Variants in AIMP1 observed in about 807,000 individuals in gnomAD.
AIMP1 encodes aminoacyl tRNA synthetase complex interacting multifunctional protein 1.
AIMP1 carries 24 observed loss-of-function variants against 33.1 expected under a neutral mutation model. The observed-to-expected ratio is 0.73, with a 90% CI of 0.53 to 1.02. The LOEUF (loss-of-function observed/expected upper bound fraction) is 1.02, where lower values mean the gene tolerates loss of function less well. Ranked by LOEUF, AIMP1 falls within the 50% of genes least tolerant of loss-of-function variation. AIMP1 has a pLI of 0.00. For missense variants in AIMP1, 367 were observed against 364.8 expected (o/e 1.01, Z -0.05); for synonymous variants, 120 against 121.5 (o/e 0.99, Z 0.08).
At chr4:106,322,750 C>T (rs886659693) in intron 1 of AIMP1, among the ~76,000 whole-genome samples, 59 of 151,970 alleles carry the variant, frequency 3.9e-4, no homozygotes, top group East Asian at 1.9e-4. Context: ...CTTGGGAAGC[C>T]GAGGTGGGCA....
chr4:106,316,786 T>C, intron 1 of AIMP1, 192 bp downstream of exon 1: 1 of 535,072 alleles, frequency 1.9e-6, no homozygotes, highest in Non-Finnish European at 3.3e-6. Context: ...GGAGCCACGT[T>C]TGAGAAATGG....
intron 5 of AIMP1, among the ~76,000 whole-genome samples, chr4:106,332,610 GATACATATATATATATAT>G (rs1170249518): frequency 1.4e-5 from 2 of 142,370 alleles, no homozygotes; most frequent in South Asian, 2.3e-4. Context: ...TATATACAGA[GATACATATATATATATAT>G]ATACATATAT....
intron 4 of AIMP1, among the ~76,000 whole-genome samples, chr4:106,328,740 ACCTGTCCCTATTC>A (rs1769552997): frequency 6.6e-6 from 1 of 152,148 alleles, no homozygotes; most frequent in African/African-American, 2.4e-5. Flanking sequence ...ATCAACCTTA[ACCTGTCCCTATTC>A]CCTGTTCTTC....
At chr4:106,344,647 C>T (rs1339562142) in intron 6 of AIMP1, among the ~76,000 whole-genome samples, 2 of 152,150 alleles carry the variant, frequency 1.3e-5, no homozygotes, top group Non-Finnish European at 2.9e-5. Context: ...TATTACTCTG[C>T]TCAAAACTAT....
At chr4:106,342,881 G>C (rs550465579) in intron 6 of AIMP1, among the ~76,000 whole-genome samples, 1 of 151,118 alleles carries the variant, frequency 6.6e-6, no homozygotes, top group East Asian at 1.9e-4. Context: ...GTAGAATTCA[G>C]CTGCGAATCT....
At chr4:106,340,567 G>C (rs777176136) in intron 6 of AIMP1, among the ~76,000 whole-genome samples, 2 of 152,100 alleles carry the variant, frequency 1.3e-5, no homozygotes, top group Non-Finnish European at 2.9e-5. Context: ...CCTGTGTTGG[G>C]TTACTTAGGA....
chr4:106,338,384 C>T (rs926818942), intron 6 of AIMP1, among the ~76,000 whole-genome samples: 2 of 152,160 alleles, frequency 1.3e-5, no homozygotes, highest in Non-Finnish European at 2.9e-5. Flanking sequence ...GGGCCCAGGG[C>T]CCCCGTGCTG....
chr4:106,325,162 T>G (rs1223498279), intron 2 of AIMP1, 44 bp downstream of exon 2: 6 of 1,505,782 alleles, frequency 4.0e-6, no homozygotes, highest in Non-Finnish European at 5.5e-6. Flanking sequence ...TAAAATGAAT[T>G]CATACATTGA....
At chr4:106,346,479 T>G (rs1770306670) in intron 6 of AIMP1, among the ~76,000 whole-genome samples, 1 of 152,074 alleles carries the variant, frequency 6.6e-6, no homozygotes, top group Admixed American at 6.6e-5. Flanking sequence ...AAAATTAGAG[T>G]CAGAGTTATG....
At position 106,316,696 on chromosome 4, in the gene AIMP1, G is replaced by A. The variant is rs1768924605; in HGVS notation, c.-26+102G>A. The A allele has an allele frequency of 5.2e-6, 6 of 1,155,710 alleles. No homozygotes were observed. The Admixed American group carries it at 8.6e-5, about 16-fold the overall frequency. The allele number at this position is 1,155,710 out of a possible 1,614,324, so 71.6% of individuals were successfully genotyped here. A position where few individuals can be genotyped will look rare whatever the true frequency, so the allele number is the denominator to read the frequency against. ...CTCCAGGAGAGAGGACCTGGCCTGC[G>A]CTGCTAATGGGTAGTCCGTTCGCAG... On this transcript the variant is annotated intron_variant, in intron 1 of 6. Coordinates refer to ENST00000672341, the MANE Select transcript of AIMP1 (RefSeq NM_001142416.2).
At chr4:106,342,971 CT>C (rs1315691035) in intron 6 of AIMP1, among the ~76,000 whole-genome samples, 1 of 144,230 alleles carries the variant, frequency 6.9e-6, no homozygotes, top group Non-Finnish European at 1.5e-5. Flanking sequence ...GTGGCGTTAT[CT>C]TGGCCCACTG....
At chr4:106,324,919 A>G (rs1180085476) in intron 1 of AIMP1, 66 bp from the exon 2 acceptor site, 10 of 1,293,898 alleles carry the variant, frequency 7.7e-6, no homozygotes, top group Non-Finnish European at 1.0e-5. Context: ...CTGCTTTTTC[A>G]TAGTGGCCTA....
chr4:106,330,281 G>A (rs3133167), intron 4 of AIMP1, among the ~76,000 whole-genome samples: 8,717 of 152,126 alleles, frequency 0.057, 509 homozygotes, highest in East Asian at 0.28. Context: ...TAGATATATT[G>A]TTATACTACA....
chr4:106,336,206 T>TA (rs1322822090), intron 5 of AIMP1, among the ~76,000 whole-genome samples: 5 of 151,170 alleles, frequency 3.3e-5, no homozygotes, highest in African/African-American at 1.2e-4. Context: ...CGAATTTTTT[T>TA]ATTTTTTGTA....
intron 1 of AIMP1, among the ~76,000 whole-genome samples, chr4:106,319,086 G>A (rs1769095811): frequency 6.6e-6 from 1 of 152,094 alleles, no homozygotes; most frequent in African/African-American, 2.4e-5. Flanking sequence ...TTCTGAAATA[G>A]GGAAATTAGA....
At position 106,324,055 on chromosome 4, in the gene AIMP1, G is replaced by A. The variant is rs949335177; in HGVS notation, c.-25-930G>A. ...GGCTTTTCAGAATATTTTTTATATA[G>A]GATTGGTATTATATAATAATTTGAA... On this transcript the variant is annotated intron_variant, in intron 1 of 6. Transcript: ENST00000672341. Among the ~76,000 whole-genome samples, 6 of 151,958 alleles carry A rather than the reference G, an allele frequency of 3.9e-5. No homozygotes were observed. The South Asian group carries it at 6.2e-4, about 16-fold the overall frequency.
At chr4:106,316,272 A>C, upstream of AIMP1, 1 of 360,750 alleles carries the variant, frequency 2.8e-6, no homozygotes. Context: ...ACGCTGAGGA[A>C]AGACCCCGAC....
chr4:106,316,866 G>C (rs1193810751), intron 1 of AIMP1: 2 of 419,676 alleles, frequency 4.8e-6, no homozygotes, highest in Non-Finnish European at 8.7e-6. Flanking sequence ...TTATGTGAAT[G>C]TGTGTGTCAA....
intron 6 of AIMP1, among the ~76,000 whole-genome samples, chr4:106,339,142 T>G (rs1280388523): frequency 6.6e-6 from 1 of 152,228 alleles, no homozygotes; most frequent in Non-Finnish European, 1.5e-5. Flanking sequence ...GGACTTGTCT[T>G]GTCTCAGATG....
Sources: gnomAD v4.1 joint callset for allele counts (sites outside exome capture counted in the v4.1 genomes callset) on GRCh38, gnomAD v4.1.1 for gene constraint, MANE v1.5 for transcripts, NCBI Gene and HGNC (gene_info 2026-07-23, HGNC 2026-07-21) for gene names.